Variants in USP22 observed in about 807,000 individuals in gnomAD.
The protein encoded by USP22 is ubiquitin specific peptidase 22, also known as ubiquitin carboxyl-terminal hydrolase 22.
USP22 carries 22 observed loss-of-function variants against 68.1 expected under a neutral mutation model. The ratio of observed to expected loss-of-function variants is 0.32; its 90% confidence interval spans 0.23 to 0.46. USP22 has a LOEUF of 0.46. Among genes scored for constraint, USP22 ranks in the 20% least tolerant of loss-of-function variants. The pLI is 1.00. For missense variants in USP22, 433 were observed against 695.8 expected (o/e 0.62, Z 4.25); for synonymous variants, 279 against 274.2 (o/e 1.02, Z -0.17).
At chr17:21,025,447 T>C (rs1972207762) in intron 2 of USP22, among the ~76,000 whole-genome samples, 3 of 152,146 alleles carry the variant, frequency 2.0e-5, no homozygotes, top group African/African-American at 7.2e-5. Flanking sequence ...AAAAAGATGG[T>C]GTTTCACATA....
intron 2 of USP22, among the ~76,000 whole-genome samples, chr17:21,021,462 C>A (rs1037011501): frequency 6.6e-6 from 1 of 152,130 alleles, no homozygotes; most frequent in African/African-American, 2.4e-5. Flanking sequence ...CAGAGGCGAC[C>A]CATACATACT....
chr17:21,037,350 C>A (rs992061595), intron 1 of USP22, among the ~76,000 whole-genome samples: 5 of 152,308 alleles, frequency 3.3e-5, no homozygotes, highest in Middle Eastern at 3.4e-3. Flanking sequence ...ATAAACAGTA[C>A]ATAAAGGAGG....
At chr17:21,038,996 G>A (rs1014679925) in intron 1 of USP22, among the ~76,000 whole-genome samples, 16 of 151,932 alleles carry the variant, frequency 1.1e-4, no homozygotes, top group Non-Finnish European at 1.9e-4. Context: ...CTGTCGCCCA[G>A]GCTGGAGTGC....
At chr17:21,004,126 T>A in intron 12 of USP22, 76 bp downstream of exon 12, 1 of 1,555,492 alleles carries the variant, frequency 6.4e-7, no homozygotes, top group Non-Finnish European at 8.8e-7. Context: ...GGCTCAGACA[T>A]GGGCTAGTCT....
intron 3 of USP22, among the ~76,000 whole-genome samples, chr17:21,020,825 G>A (rs2143582561): frequency 6.6e-6 from 1 of 152,216 alleles, no homozygotes; most frequent in Middle Eastern, 3.4e-3. Context: ...GTAATGCTGG[G>A]GTTGTTCCCT....
intron 2 of USP22, among the ~76,000 whole-genome samples, chr17:21,021,651 T>A (rs1972157827): frequency 6.6e-6 from 1 of 152,220 alleles, no homozygotes; most frequent in African/African-American, 2.4e-5. Context: ...TGGCAGCAAC[T>A]TGCTGTGACT....
intron 1 of USP22, among the ~76,000 whole-genome samples, chr17:21,029,084 A>G (rs1771808867): frequency 6.6e-6 from 1 of 152,214 alleles, no homozygotes. Context: ...GCAAATTTAG[A>G]AGCCAACAAG....
Position 21,017,983 on chromosome 17 carries a change from T to C in USP22, c.649A>G (p.Ser217Gly). ...DRHRCEMQSP[S>G]SCLVCEMSSL... ...GACATCTCACAGACCAGACAGGAGCTGGGGCTCTGCATCTCACAGCGGTGC... is the reference window on the plus strand; with the variant it reads ...GACATCTCACAGACCAGACAGGAGCCGGGGCTCTGCATCTCACAGCGGTGC... Residue 217 changes from serine to glycine, a missense_variant, in exon 5 of 13, where the codon AGC becomes GGC. By Grantham distance (56) the Ser-to-Gly change is moderately conservative. Around this residue, in one of 4 missense-constraint regions of USP22, gnomAD observed 144 missense variants for 237.2 expected, o/e 0.61. Transcript: ENST00000261497. 6.2e-7 allele frequency: 1 copy of C among 1,614,154 alleles called. No individual in the cohort carries two copies. Among genetic ancestry groups the C allele is most frequent in the South Asian group, 1.1e-5 (1 of 91,082 alleles).
At position 21,001,657 on chromosome 17, in the gene USP22, A is replaced by C. The variant is rs1007112929; in HGVS notation, c.*1374T>G. The stretch of plus-strand genomic sequence containing the variant: ...AGACAGATGATCCTGTTCCTGCAGG[A>C]CTGAAGAAGCCTCAGTTCAGATGCT... On this transcript the variant is annotated 3_prime_UTR_variant, in exon 13 of 13. Coordinates refer to ENST00000261497, the MANE Select transcript of USP22 (RefSeq NM_015276.2). 4 of 152,214 alleles carry C rather than the reference A, an allele frequency of 2.6e-5. No individual in the cohort carries two copies. The highest frequency in any genetic ancestry group is 2.0e-4 in the Admixed American group (3 of 15,276). 9.4% of individuals were successfully genotyped at this position (152,214 alleles called of 1,614,324 possible). A position where few individuals can be genotyped will look rare whatever the true frequency, so the allele number is the denominator to read the frequency against.
chr17:21,014,054 C>A (rs1914055407), intron 6 of USP22, among the ~76,000 whole-genome samples: 1 of 152,178 alleles, frequency 6.6e-6, no homozygotes, highest in Non-Finnish European at 1.5e-5. Flanking sequence ...AGCCTGGCGA[C>A]AGAGCGAGAC....
chr17:21,011,405 C>G, intron 7 of USP22, 96 bp from the exon 8 acceptor site: 1 of 1,461,498 alleles, frequency 6.8e-7, no homozygotes, highest in Non-Finnish European at 9.3e-7. Context: ...CCCTTCCCCG[C>G]TGTGCCCTTT....
Position 21,017,960 on chromosome 17 carries a change from C to T in USP22, c.672G>A (p.Met224Ile), listed in dbSNP as rs1469359572. 1 of 1,614,016 alleles carries T rather than the reference C, an allele frequency of 6.2e-7. No individual in the cohort carries two copies. Among genetic ancestry groups the T allele is most frequent in the African/African-American group, 1.3e-5 (1 of 74,916 alleles). The change falls in exon 5 of 13, where the codon ATG becomes ATA. Residue 224 changes from methionine (M) to isoleucine (I), a missense_variant. This residue lies in a region of USP22 where 144 missense variants were observed against 237.2 expected (regional missense o/e 0.61). Coordinates refer to ENST00000261497, the MANE Select transcript of USP22 (RefSeq NM_015276.2). ...CGCTCACCTCCTGAAACAGTGAGGA[C>T]ATCTCACAGACCAGACAGGAGCTGG... ...QSPSSCLVCE[M>I]SSLFQEFYSG...
intron 10 of USP22, among the ~76,000 whole-genome samples, chr17:21,005,593 G>A (rs993322683): frequency 2.0e-5 from 3 of 152,046 alleles, no homozygotes; most frequent in African/African-American, 4.8e-5. Context: ...CGTGACCATC[G>A]TGGTCAGACT....
chr17:21,031,243 T>C (rs902423667), intron 1 of USP22, among the ~76,000 whole-genome samples: 1 of 152,216 alleles, frequency 6.6e-6, no homozygotes, highest in Non-Finnish European at 1.5e-5. Flanking sequence ...CATTATTACT[T>C]GCAACACCGC....
intron 1 of USP22, among the ~76,000 whole-genome samples, chr17:21,037,949 A>G (rs1017550406): frequency 6.6e-6 from 1 of 152,232 alleles, no homozygotes; most frequent in Non-Finnish European, 1.5e-5. Context: ...CAGTATGTCA[A>G]TCTACAATGA....
intron 5 of USP22, among the ~76,000 whole-genome samples, chr17:21,016,167 G>A (rs915950917): frequency 6.6e-6 from 1 of 152,098 alleles, no homozygotes; most frequent in African/African-American, 2.4e-5. Context: ...GCTACTATGA[G>A]ATCACATGCA....
At chr17:21,018,865 T>G (rs185314655) in intron 4 of USP22, among the ~76,000 whole-genome samples, 9 of 152,336 alleles carry the variant, frequency 5.9e-5, no homozygotes, top group Admixed American at 4.6e-4. Flanking sequence ...CTGAAGGCTG[T>G]GAGGGCAGGG....
intron 1 of USP22, 49 bp from the exon 2 acceptor site, chr17:21,028,723 G>A: frequency 6.3e-7 from 1 of 1,592,232 alleles, no homozygotes; most frequent in Non-Finnish European, 8.5e-7. Context: ...TAAGACAGGG[G>A]TGCTCAGAGG....
chr17:21,009,534 AC>A (rs1913882254), intron 8 of USP22, among the ~76,000 whole-genome samples: 1 of 152,078 alleles, frequency 6.6e-6, no homozygotes, highest in Non-Finnish European at 1.5e-5. Context: ...TCCTAACAAC[AC>A]AGGCTTCCCA....
Sources: gnomAD v4.1 joint callset for allele counts (sites outside exome capture counted in the v4.1 genomes callset) on GRCh38, gnomAD v4.1.1 for gene constraint, gnomAD v4.1.1 regional missense constraint, MANE v1.5 for transcripts, NCBI Gene and HGNC (gene_info 2026-07-23, HGNC 2026-07-21) for gene names.